GNAS: variants seen among roughly 807,000 people sequenced by gnomAD.
The protein encoded by GNAS is GNAS complex locus.
A neutral mutation model predicts 54.5 loss-of-function variants in GNAS; 8 were observed. The observed-to-expected ratio is 0.15, with a 90% CI of 0.09 to 0.26. The LOEUF is 0.26. Among genes scored for constraint, GNAS ranks in the 10% least tolerant of loss-of-function variants. GNAS has a pLI of 1.00. For synonymous variants in GNAS, 204 were observed against 191.4 expected (o/e 1.07, Z -0.54); for missense variants, 170 against 529.8 (o/e 0.32, Z 6.67).
At chr20:58,840,633 G>A (rs1410367487), upstream of GNAS, 2 of 1,606,434 alleles carry the variant, frequency 1.2e-6, no homozygotes, top group Admixed American at 1.7e-5. The surrounding 1 kb of genome is among the most constrained non-coding windows in gnomAD (Gnocchi z 6.0). Flanking sequence ...GCCTCCCCAA[G>A]TCGCGCGCCG....
At chr20:58,888,606 G>C (rs1176665386), upstream of GNAS, 1 of 152,276 alleles carries the variant, frequency 6.6e-6, no homozygotes, top group African/African-American at 2.4e-5. Context: ...GACGCCTCGA[G>C]CACCGACTCC....
At chr20:58,854,337 G>T in intron 1 of GNAS, 1 of 1,590,446 alleles carries the variant, frequency 6.3e-7, no homozygotes. Flanking sequence ...TGAGGAGGAA[G>T]CAGCAGAGAT....
chr20:58,909,228 C>T lies in GNAS; in HGVS notation c.585+12C>T, dbSNP rs1569027992. 3.7e-6 allele frequency: 6 copies of T among 1,610,614 alleles called. No individual in the cohort carries two copies. The Admixed American group carries it at 5.0e-5, about 13-fold the overall frequency. On this transcript the variant is annotated intron_variant, in intron 7 of 12. Transcript: ENST00000371085. This position sits in a 1 kb window ranked among gnomAD's most constrained non-coding sequence, Gnocchi z 7.3. ...TGCCGAGCGATCAGGTGTGCAAAAC[C>T]CCTCCCCACCAGAGGACTCTGAGCC...
chr20:58,848,535 A>C (rs1364399493), intron 1 of GNAS, among the ~76,000 whole-genome samples: 3 of 152,222 alleles, frequency 2.0e-5, no homozygotes, highest in African/African-American at 7.2e-5. Context: ...ATACAATTAT[A>C]ATGGCAGATC....
chr20:58,861,184 G>C (rs1412894982), intron 1 of GNAS, among the ~76,000 whole-genome samples: 2 of 152,116 alleles, frequency 1.3e-5, no homozygotes, highest in Admixed American at 1.3e-4. Context: ...ACACTTCTTG[G>C]TTTCTTTTAG....
intron 1 of GNAS, chr20:58,855,696 C>A (rs1400215426): frequency 1.5e-6 from 1 of 667,348 alleles, no homozygotes; most frequent in South Asian, 1.6e-5. Flanking sequence ...ACTCCCCTGG[C>A]TAGGCTGGTG....
At chr20:58,877,650 C>CAT (rs2087915043) in intron 1 of GNAS, among the ~76,000 whole-genome samples, 1 of 152,328 alleles carries the variant, frequency 6.6e-6, no homozygotes, top group Non-Finnish European at 1.5e-5. Context: ...TGGGCAGAAG[C>CAT]CAGCCGTGTT....
Position 58,907,625 on chromosome 20 carries a change from A to T in GNAS, c.531-1537A>T, listed in dbSNP as rs188604458. Among the ~76,000 whole-genome samples, 6 of 152,306 alleles carry T rather than the reference A, an allele frequency of 3.9e-5. No individual in the cohort carries two copies. In the East Asian group the frequency reaches 1.2e-3, roughly 29 times the overall value. On this transcript the variant is annotated intron_variant, in intron 6 of 12. Transcript: ENST00000371085. ...TTTCGTTTTCTCTCTCAAATCATTTAGAAGTTTTTGGGGTTTTTTTAAGCA... is the reference window on the plus strand; with the variant it reads ...TTTCGTTTTCTCTCTCAAATCATTTTGAAGTTTTTGGGGTTTTTTTAAGCA...
intron 1 of GNAS, among the ~76,000 whole-genome samples, chr20:58,874,285 G>T (rs549140677): frequency 6.6e-6 from 1 of 152,234 alleles, no homozygotes; most frequent in Non-Finnish European, 1.5e-5. Flanking sequence ...TGGCCCAAGA[G>T]TGGTGCTGAG....
At chr20:58,860,229 C>T (rs1434383855) in intron 1 of GNAS, among the ~76,000 whole-genome samples, 1 of 151,680 alleles carries the variant, frequency 6.6e-6, no homozygotes, top group East Asian at 1.9e-4. Context: ...ATTTCATTTA[C>T]ACATTTGCTT....
chr20:58,862,235 G>A (rs775642580), intron 1 of GNAS, among the ~76,000 whole-genome samples: 120 of 151,986 alleles, frequency 7.9e-4, no homozygotes, highest in Non-Finnish European at 1.2e-3. Flanking sequence ...TCGGCTCACT[G>A]CAACCTCTGC....
At chr20:58,874,273 C>T (rs2087647258) in intron 1 of GNAS, among the ~76,000 whole-genome samples, 1 of 152,212 alleles carries the variant, frequency 6.6e-6, no homozygotes, top group Non-Finnish European at 1.5e-5. Context: ...GCTGCAGAGG[C>T]CTGGCCCAAG....
intron 1 of GNAS, among the ~76,000 whole-genome samples, chr20:58,885,895 C>T (rs2088558608): frequency 6.6e-6 from 1 of 152,234 alleles, no homozygotes; most frequent in South Asian, 2.1e-4. Context: ...GTTTCTGTTT[C>T]AGTGGAAACC....
chr20:58,840,381 ACCTTGAGCTGTC>A (rs2085671687), upstream of GNAS: 2 of 1,613,408 alleles, frequency 1.2e-6, no homozygotes, highest in Non-Finnish European at 1.7e-6. This position sits in a 1 kb window ranked among gnomAD's most constrained non-coding sequence, Gnocchi z 6.0. Flanking sequence ...GAGGAGGCAG[ACCTTGAGCTGTC>A]CCTCCCCGAG....
Position 58,873,483 on chromosome 20 carries a change from A to C in GNAS, c.44-22129A>C, listed in dbSNP as rs1368618492. Among the ~76,000 whole-genome samples, 1 of 152,214 alleles carries C rather than the reference A, an allele frequency of 6.6e-6. No homozygotes were observed. The highest frequency in any genetic ancestry group is 1.5e-5 in the Non-Finnish European group (1 of 68,036). On this transcript the variant is annotated intron_variant, in intron 1 of 12. Coordinates refer to the GNAS transcript ENST00000306090. This position sits in a 1 kb window ranked among gnomAD's most constrained non-coding sequence, Gnocchi z 4.3. Reference sequence around the variant, plus strand: ...TTGGCAAAAGCATGGAATCCTGCCCAGTCCTTGGTACACAGGGACTAGCAC... The same window carrying C: ...TTGGCAAAAGCATGGAATCCTGCCCCGTCCTTGGTACACAGGGACTAGCAC...
chr20:58,893,331 GA>G (rs946879997), intron 1 of GNAS, among the ~76,000 whole-genome samples: 45 of 151,660 alleles, frequency 3.0e-4, no homozygotes, highest in African/African-American at 5.3e-4. Context: ...TGTTTTGGGG[GA>G]AAAAAATGTA....
intron 1 of GNAS, chr20:58,854,079 G>T: frequency 6.2e-7 from 1 of 1,612,086 alleles, no homozygotes; most frequent in Non-Finnish European, 8.5e-7. Flanking sequence ...CGCCGCGAAC[G>T]CGCCTCCCCT....
intron 1 of GNAS, chr20:58,854,503 C>T (rs1423798925): frequency 1.3e-6 from 2 of 1,577,230 alleles, no homozygotes; most frequent in Non-Finnish European, 1.7e-6. Context: ...GATCCCGACT[C>T]CGGGACAGCA....
chr20:58,890,280 GAC>G (rs2089042057), upstream of GNAS, among the ~76,000 whole-genome samples: 1 of 151,038 alleles, frequency 6.6e-6, no homozygotes, highest in Non-Finnish European at 1.5e-5. Context: ...CGCCGCCGAC[GAC>G]GACGAGGGCG....
Sources: gnomAD v4.1 joint callset for allele counts (sites outside exome capture counted in the v4.1 genomes callset) on GRCh38, gnomAD v4.1.1 for gene constraint, Gnocchi (gnomAD v3.1) non-coding constraint, MANE v1.5 for transcripts, NCBI Gene and HGNC (gene_info 2026-07-23, HGNC 2026-07-21) for gene names.